LSAMP: variants seen among roughly 807,000 people sequenced by gnomAD.
The protein encoded by LSAMP is limbic system-associated membrane protein.
In LSAMP, 7 loss-of-function variants were observed where a neutral mutation model predicts 38.6. The ratio of observed to expected loss-of-function variants is 0.18; its 90% confidence interval spans 0.10 to 0.34. LSAMP has a LOEUF of 0.34. Among genes scored for constraint, LSAMP ranks in the 10% least tolerant of loss-of-function variants. The pLI, the probability that LSAMP is intolerant of heterozygous loss-of-function variation, is 1.00. For missense variants in LSAMP, 313 were observed against 420.0 expected (o/e 0.75, Z 2.23); for synonymous variants, 154 against 166.8 (o/e 0.92, Z 0.59).
chr3:116,164,352 A>G (rs1709978159), intron 1 of LSAMP, among the ~76,000 whole-genome samples: 1 of 151,644 alleles, frequency 6.6e-6, no homozygotes, highest in African/African-American at 2.4e-5. Flanking sequence ...TCCTGACTCC[A>G]TCATGTAAGA....
In LSAMP at chr3:115,908,999, A is replaced by T. The variant is rs537197294; in HGVS notation, c.515-56382T>A. On this transcript the variant is annotated intron_variant, in intron 3 of 6. Transcript: ENST00000490035. Reference sequence around the variant, plus strand: ...TCATGTACTTAAATTTAGATAACATAACTTTTGGCTTTTTCTCAAAGTCTC... The same window carrying T: ...TCATGTACTTAAATTTAGATAACATTACTTTTGGCTTTTTCTCAAAGTCTC... Among the ~76,000 whole-genome samples, 95 of 152,298 alleles carry T rather than the reference A, an allele frequency of 6.2e-4. 1 individual carries two copies. The highest frequency in any genetic ancestry group is 2.9e-5 in the Non-Finnish European group (2 of 68,026).
chr3:116,113,420 A>ATTTTTT (rs374608044), intron 1 of LSAMP, among the ~76,000 whole-genome samples: 83 of 51,032 alleles, frequency 1.6e-3, no homozygotes, highest in Admixed American at 2.5e-3. Context: ...ATATATATAT[A>ATTTTTT]TTTTTTTTTT....
intron 3 of LSAMP, among the ~76,000 whole-genome samples, chr3:115,900,198 A>G (rs1165164343): frequency 1.3e-5 from 2 of 152,140 alleles, no homozygotes; most frequent in African/African-American, 4.8e-5. Flanking sequence ...GCAGGACAAA[A>G]CTAAGAGCTT....
chr3:116,226,598 T>A (rs924763398), intron 1 of LSAMP, among the ~76,000 whole-genome samples: 1 of 152,222 alleles, frequency 6.6e-6, no homozygotes, highest in Non-Finnish European at 1.5e-5. Context: ...CATTTAACAT[T>A]GGTTGTTCAT....
At chr3:116,128,318 C>T (rs1486324304) in intron 1 of LSAMP, among the ~76,000 whole-genome samples, 3 of 152,144 alleles carry the variant, frequency 2.0e-5, no homozygotes, top group African/African-American at 7.2e-5. Flanking sequence ...ATAATTTAGC[C>T]AATTTCTCAT....
rs113968721 is a variant in LSAMP, at chr3:116,284,590, C to T, written c.155+160287G>A. On this transcript the variant is annotated intron_variant, in intron 1 of 6. Coordinates refer to ENST00000490035, the MANE Select transcript of LSAMP (RefSeq NM_002338.5). ...CTTCTTTCTTCCCACCAGGTGAAAT[C>T]TCTATGTTTCACCCTTAACTCCAAA... Among the ~76,000 whole-genome samples the T allele has an allele frequency of 3.3e-3, 495 of 152,290 alleles. 5 individuals are homozygous for T. Among genetic ancestry groups the T allele is most frequent in the African/African-American group, 0.012 (481 of 41,560 alleles).
chr3:116,165,555 T>TACACACAC (rs766650000), intron 1 of LSAMP, among the ~76,000 whole-genome samples: 1 of 151,174 alleles, frequency 6.6e-6, no homozygotes, highest in African/African-American at 2.4e-5. Flanking sequence ...CAAACACACA[T>TACACACAC]ACACACACAC....
At chr3:116,151,573 G>T (rs945415952) in intron 1 of LSAMP, among the ~76,000 whole-genome samples, 10 of 151,996 alleles carry the variant, frequency 6.6e-5, no homozygotes, top group Non-Finnish European at 1.0e-4. Flanking sequence ...CCATGCATGA[G>T]CTCCTTCTCT....
chr3:115,895,603 C>T (rs553754572), intron 3 of LSAMP, among the ~76,000 whole-genome samples: 143 of 152,068 alleles, frequency 9.4e-4, no homozygotes, highest in South Asian at 1.0e-3. Context: ...TTTCTTTGAA[C>T]GGATCTATGG....
At chr3:115,843,071 A>C (rs1319843996) in intron 4 of LSAMP, among the ~76,000 whole-genome samples, 1 of 152,196 alleles carries the variant, frequency 6.6e-6, no homozygotes, top group Non-Finnish European at 1.5e-5. Context: ...GTTTGGTCTG[A>C]TATTGTTGCA....
At chr3:116,056,678 T>C (rs918344428) in intron 2 of LSAMP, among the ~76,000 whole-genome samples, 1 of 152,238 alleles carries the variant, frequency 6.6e-6, no homozygotes, top group Non-Finnish European at 1.5e-5. Flanking sequence ...TAGCAACACT[T>C]CTCTCCATTT....
rs985513977 is a variant in LSAMP at position 115,816,635 on chromosome 3, T to C, written c.920-6221A>G. ...ATACCTTTTTGCTTGAAGTGCACGG[T>C]GGTACCAATTTCTAAAATAAGAAAC... is the stretch of plus-strand genomic sequence containing the variant. On this transcript the variant is annotated intron_variant, in intron 6 of 6. Transcript: ENST00000490035. The C allele has an allele frequency of 2.3e-6, 3 of 1,286,606 alleles. No homozygotes were observed. In the African/African-American group the frequency reaches 4.6e-5, roughly 20 times the overall value. 79.7% of individuals were successfully genotyped at this position (1,286,606 alleles called of 1,614,324 possible). A position where few individuals can be genotyped will look rare whatever the true frequency, so the allele number is the denominator to read the frequency against.
chr3:116,124,577 A>G (rs1018272805), intron 1 of LSAMP, among the ~76,000 whole-genome samples: 1 of 152,224 alleles, frequency 6.6e-6, no homozygotes, highest in African/African-American at 2.4e-5. Flanking sequence ...TGTATCACCA[A>G]CCATGTTTTT....
intron 1 of LSAMP, among the ~76,000 whole-genome samples, chr3:116,395,589 A>G (rs75148002): frequency 0.011 from 1,751 of 152,334 alleles, 40 homozygotes; most frequent in African/African-American, 0.035. Flanking sequence ...GGGAGTTGCA[A>G]GCAAGCACAA....
chr3:116,148,624 T>C lies in LSAMP; in HGVS notation c.156-62068A>G, dbSNP rs780897158. On this transcript the variant is annotated intron_variant, in intron 1 of 6. Transcript: ENST00000490035. The stretch of plus-strand genomic sequence containing the variant: ...TAGTCCTGTGGGAAATTCATAGATA[T>C]ATAAGTTCCAGTGAGTTAATGACAC... Among the ~76,000 whole-genome samples the C allele has an allele frequency of 3.3e-5, 5 of 152,118 alleles. No individual in the cohort carries two copies. In the South Asian group the frequency reaches 1.0e-3, roughly 32 times the overall value.
At chr3:116,172,706 A>G (rs550830457) in intron 1 of LSAMP, among the ~76,000 whole-genome samples, 1 of 152,058 alleles carries the variant, frequency 6.6e-6, no homozygotes, top group Non-Finnish European at 1.5e-5. Context: ...AGGATGTGGG[A>G]TAGAAATATA....
chr3:116,222,558 A>G (rs980470940), intron 1 of LSAMP, among the ~76,000 whole-genome samples: 8 of 151,892 alleles, frequency 5.3e-5, no homozygotes, highest in Admixed American at 5.2e-4. Context: ...GCTATGTTTG[A>G]GAGTTTTGTT....
chr3:115,935,096 A>T (rs1576233706), intron 3 of LSAMP, among the ~76,000 whole-genome samples: 1 of 152,188 alleles, frequency 6.6e-6, no homozygotes, highest in Non-Finnish European at 1.5e-5. Flanking sequence ...AGAAAAAAAA[A>T]GGTGAGATAA....
At chr3:116,240,008 G>A (rs1409749819) in intron 1 of LSAMP, among the ~76,000 whole-genome samples, 1 of 152,054 alleles carries the variant, frequency 6.6e-6, no homozygotes, top group Non-Finnish European at 1.5e-5. Flanking sequence ...CATAGTATAT[G>A]TGTGTTCAGT....
Sources: gnomAD v4.1 joint callset for allele counts (sites outside exome capture counted in the v4.1 genomes callset) on GRCh38, gnomAD v4.1.1 for gene constraint, MANE v1.5 for transcripts, NCBI Gene and HGNC (gene_info 2026-07-23, HGNC 2026-07-21) for gene names.